FHIT: variants seen among roughly 807,000 people sequenced by gnomAD.
FHIT encodes the protein fragile histidine triad diadenosine triphosphatase.
FHIT carries 19 observed loss-of-function variants against 17.9 expected under a neutral mutation model. The ratio of observed to expected loss-of-function variants is 1.06; its 90% confidence interval spans 0.74 to 1.56. The LOEUF (loss-of-function observed/expected upper bound fraction) is 1.56, where lower values mean the gene tolerates loss of function less well. Among genes scored for constraint, FHIT ranks in the 40% most tolerant of loss-of-function variants. FHIT has a pLI of 0.00. For synonymous variants in FHIT, 81 were observed against 69.7 expected, an observed-to-expected ratio of 1.16 and a Z score of -0.81; for missense variants, 248 against 189.2, an observed-to-expected ratio of 1.31 and a Z score of -1.82.
chr3:60,784,282 A>T lies in FHIT; in HGVS notation c.-18+37637T>A, dbSNP rs544485622. 1.3e-4 allele frequency among the ~76,000 whole-genome samples: 20 copies of T among 152,290 alleles called. No homozygotes were observed. In the Middle Eastern group the frequency reaches 0.014, roughly 104 times the overall value. ...CCCGGACAGCTGTGTCCATCCTCTG[A>T]AAATGAAGGCTGTTCTCAGGTGACC... On this transcript the variant is annotated intron_variant, in intron 4 of 9. Transcript: ENST00000492590.
chr3:60,394,868 C>T (rs763737711), intron 5 of FHIT, among the ~76,000 whole-genome samples: 1 of 151,856 alleles, frequency 6.6e-6, no homozygotes, highest in African/African-American at 2.4e-5. Flanking sequence ...CATCTGCAGC[C>T]GTGGCCATAA....
At chr3:60,988,946 TAAAAAAAAAA>T (rs535898632) in intron 3 of FHIT, among the ~76,000 whole-genome samples, 36 of 34,336 alleles carry the variant, frequency 1.0e-3, no homozygotes, top group South Asian at 5.7e-3. Flanking sequence ...ATGGCTTTGT[TAAAAAAAAAA>T]AAAAAAAAAA....
At chr3:60,250,893 T>A (rs1705674307) in intron 5 of FHIT, among the ~76,000 whole-genome samples, 1 of 152,142 alleles carries the variant, frequency 6.6e-6, no homozygotes, top group Admixed American at 6.5e-5. Flanking sequence ...TTTTTTAAAC[T>A]CCCACTGCCC....
At chr3:60,913,891 G>T (rs115406624) in intron 3 of FHIT, among the ~76,000 whole-genome samples, 16 of 152,282 alleles carry the variant, frequency 1.1e-4, no homozygotes, top group Non-Finnish European at 1.2e-4. Context: ...TTAAGTGATG[G>T]CACCAGGCTC....
intron 8 of FHIT, among the ~76,000 whole-genome samples, chr3:59,839,083 G>A (rs572933470): frequency 1.3e-5 from 2 of 152,178 alleles, no homozygotes; most frequent in East Asian, 1.9e-4. Flanking sequence ...TTGGGAGGCC[G>A]AGGCAGGTGG....
At chr3:61,089,642 C>G (rs2035417300) in intron 2 of FHIT, among the ~76,000 whole-genome samples, 1 of 152,092 alleles carries the variant, frequency 6.6e-6, no homozygotes, top group African/African-American at 2.4e-5. Context: ...AGCCTATTTA[C>G]AGAAGACTTG....
rs533772923 is a variant in FHIT at position 60,387,048 on chromosome 3, C to T, written c.103+149812G>A. On this transcript the variant is annotated intron_variant, in intron 5 of 9. Transcript: ENST00000492590. ...CTTTTTTTTTTTTGGAGTGCAACAGCGCTATCTCAGCTCACTGCAACCTCT... is the reference window on the plus strand; with the variant it reads ...CTTTTTTTTTTTTGGAGTGCAACAGTGCTATCTCAGCTCACTGCAACCTCT... 1.9e-3 allele frequency among the ~76,000 whole-genome samples: 216 copies of T among 110,784 alleles called. 1 individual carries two copies. Among genetic ancestry groups the T allele is most frequent in the Middle Eastern group, 0.012 (2 of 172 alleles). The allele number at this position is 110,784 out of a possible 152,430, so 72.7% of individuals were successfully genotyped here.
At chr3:60,190,089 T>A (rs1458157146) in intron 5 of FHIT, among the ~76,000 whole-genome samples, 3 of 152,160 alleles carry the variant, frequency 2.0e-5, no homozygotes, top group Non-Finnish European at 1.5e-5. Flanking sequence ...ATTTTGAGAA[T>A]TAATCATTCT....
intron 5 of FHIT, among the ~76,000 whole-genome samples, chr3:60,264,094 A>G (rs1439680342): frequency 6.6e-6 from 1 of 151,162 alleles, no homozygotes; most frequent in Non-Finnish European, 1.5e-5. Context: ...GAATTCCCCA[A>G]AGTGGGGGAG....
chr3:61,226,205 T>C (rs1055810249), intron 1 of FHIT, among the ~76,000 whole-genome samples: 2 of 152,110 alleles, frequency 1.3e-5, no homozygotes, highest in African/African-American at 4.8e-5. Flanking sequence ...TGAGGGGTGG[T>C]AATGAGAAGC....
intron 5 of FHIT, among the ~76,000 whole-genome samples, chr3:60,260,674 A>G (rs1706248363): frequency 2.6e-5 from 4 of 152,030 alleles, no homozygotes; most frequent in Admixed American, 2.6e-4. Context: ...TGGGTAAAAT[A>G]AGGCTGAGAC....
chr3:61,177,666 G>T (rs943212037), intron 2 of FHIT, among the ~76,000 whole-genome samples: 2 of 152,066 alleles, frequency 1.3e-5, no homozygotes, highest in African/African-American at 4.8e-5. Flanking sequence ...ACAATAGCAG[G>T]CCTAAATGGA....
chr3:60,587,562 T>C (rs2037947026), intron 4 of FHIT, among the ~76,000 whole-genome samples: 1 of 152,020 alleles, frequency 6.6e-6, no homozygotes, highest in South Asian at 2.1e-4. Context: ...CACCTGATAT[T>C]CACCGGGATA....
intron 4 of FHIT, among the ~76,000 whole-genome samples, chr3:60,567,972 G>A (rs2037202368): frequency 6.6e-6 from 1 of 152,176 alleles, no homozygotes; most frequent in Non-Finnish European, 1.5e-5. Context: ...GTGCTGGAGA[G>A]GATGTGGAGA....
intron 4 of FHIT, among the ~76,000 whole-genome samples, chr3:60,721,038 A>G (rs2041798091): frequency 6.6e-6 from 1 of 152,198 alleles, no homozygotes; most frequent in African/African-American, 2.4e-5. Context: ...ATGACTTAAC[A>G]AAATTCATCA....
rs571588719 is a variant in FHIT, at chr3:59,963,499, A to C, written c.280-41085T>G. On this transcript the variant is annotated intron_variant, in intron 7 of 9. Coordinates refer to ENST00000492590, the MANE Select transcript of FHIT (RefSeq NM_002012.4). ...AGGAGAGAGAGAGAGAGACAGAAAG[A>C]GATATCACAGAATTAGAACTTGAAT... Among the ~76,000 whole-genome samples, 5 of 152,272 alleles carry C rather than the reference A, an allele frequency of 3.3e-5. No individual in the cohort carries two copies. The South Asian group carries it at 1.0e-3, about 32-fold the overall frequency.
chr3:60,098,548 C>G (rs1210026226), intron 5 of FHIT, among the ~76,000 whole-genome samples: 1 of 152,052 alleles, frequency 6.6e-6, no homozygotes, highest in Non-Finnish European at 1.5e-5. Context: ...CCTTTGCCCA[C>G]TTTTTGATGG....
intron 4 of FHIT, among the ~76,000 whole-genome samples, chr3:60,768,747 G>A (rs1483512933): frequency 6.6e-6 from 1 of 152,220 alleles, no homozygotes; most frequent in Non-Finnish European, 1.5e-5. Flanking sequence ...CATACCGCCT[G>A]ACCTGCACAC....
At chr3:59,932,796 A>G (rs985279983) in intron 7 of FHIT, among the ~76,000 whole-genome samples, 20 of 152,262 alleles carry the variant, frequency 1.3e-4, no homozygotes, top group African/African-American at 4.6e-4. Flanking sequence ...ATTTTCCTTT[A>G]CTAAGTGAAT....
Sources: gnomAD v4.1 joint callset for allele counts (sites outside exome capture counted in the v4.1 genomes callset) on GRCh38, gnomAD v4.1.1 for gene constraint, MANE v1.5 for transcripts, NCBI Gene and HGNC (gene_info 2026-07-23, HGNC 2026-07-21) for gene names.